The following ZNF341 variants were observed in gnomAD, a reference collection of about 807,000 sequenced individuals.
ZNF341 encodes zinc finger protein 341.
ZNF341 carries 52 observed loss-of-function variants against 87.7 expected under a neutral mutation model. The observed-to-expected ratio is 0.59, with a 90% CI of 0.47 to 0.75. The LOEUF (loss-of-function observed/expected upper bound fraction) is 0.75, where lower values mean the gene tolerates loss of function less well. Ranked by LOEUF, ZNF341 falls within the 30% of genes least tolerant of loss-of-function variation. The pLI, the probability that ZNF341 is intolerant of heterozygous loss-of-function variation, is 0.00. For missense variants in ZNF341, 977 were observed against 1,145.9 expected (o/e 0.85, Z 2.13); for synonymous variants, 459 against 472.7 (o/e 0.97, Z 0.38).
At chr20:33,756,822 G>A (rs186877222) in intron 5 of ZNF341, among the ~76,000 whole-genome samples, 108 of 152,188 alleles carry the variant, frequency 7.1e-4, no homozygotes, top group Non-Finnish European at 1.2e-3. Context: ...CCGCATGAGA[G>A]GGGTACTATG....
intron 4 of ZNF341, among the ~76,000 whole-genome samples, chr20:33,751,370 G>A (rs1236565208): frequency 1.3e-5 from 2 of 152,056 alleles, no homozygotes; most frequent in African/African-American, 4.8e-5. Flanking sequence ...TTACAGCAAA[G>A]GAACACACAG....
chr20:33,733,930 G>A (rs2018630113), intron 1 of ZNF341, among the ~76,000 whole-genome samples: 1 of 152,252 alleles, frequency 6.6e-6, no homozygotes, highest in African/African-American at 2.4e-5. Flanking sequence ...GGAGGTGGTG[G>A]ATCAGGAAGG....
chr20:33,743,493 T>C (rs2180003), intron 2 of ZNF341, among the ~76,000 whole-genome samples: 92,912 of 151,338 alleles, frequency 0.61, 30,319 homozygotes, highest in East Asian at 0.93. Flanking sequence ...GCATGCACCA[T>C]CATGCCCAGC....
intron 9 of ZNF341, 148 bp downstream of exon 9, chr20:33,767,189 G>T: frequency 1.0e-6 from 1 of 989,986 alleles, no homozygotes; most frequent in East Asian, 2.5e-5. Flanking sequence ...ATTCCGAGCA[G>T]GGGATTGATG....
chr20:33,749,459 AT>A (rs545198282), intron 4 of ZNF341, among the ~76,000 whole-genome samples: 3 of 151,178 alleles, frequency 2.0e-5, no homozygotes, highest in South Asian at 4.2e-4. Flanking sequence ...CAGCCAGCTA[AT>A]TTTTTTTTGT....
intron 5 of ZNF341, among the ~76,000 whole-genome samples, chr20:33,753,845 A>G (rs919498744): frequency 6.6e-5 from 10 of 152,200 alleles, no homozygotes; most frequent in Non-Finnish European, 1.5e-4. Context: ...CATCAGTGGC[A>G]TATACCAAAA....
chr20:33,761,881 T>G lies in ZNF341; in HGVS notation c.1048T>G (p.Phe350Val). Residue 350 changes from phenylalanine to valine, a missense_variant, in exon 8 of 15, where the codon TTC becomes GTC. Phe to Val is a conservative substitution (Grantham distance 50, BLOSUM62 -1). This residue lies in a region of ZNF341 where 515 missense variants were observed against 598.2 expected (regional missense o/e 0.86). Coordinates refer to ENST00000375200, the MANE Select transcript of ZNF341 (RefSeq NM_001282933.2). ...HIRSHTGEKP[F>V]QCIACGRAFA... is the part of the protein sequence containing the mutation. ...CCACAGCCACACCGGTGAGAAGCCC[T>G]TCCAGTGCATTGCATGTGGCCGTGC... The G allele has an allele frequency of 6.4e-7, 1 of 1,570,746 alleles. No individual in the cohort carries two copies.
intron 8 of ZNF341, among the ~76,000 whole-genome samples, chr20:33,763,681 G>A (rs924084740): frequency 6.6e-6 from 1 of 152,116 alleles, no homozygotes; most frequent in Non-Finnish European, 1.5e-5. Context: ...GGCAGTCACT[G>A]TAGTTGATCA....
chr20:33,768,032 A>G (rs986840684), intron 9 of ZNF341, among the ~76,000 whole-genome samples: 10 of 152,172 alleles, frequency 6.6e-5, no homozygotes, highest in Non-Finnish European at 1.5e-5. Context: ...TGTGTTCTGG[A>G]AGTGATGCAG....
intron 1 of ZNF341, among the ~76,000 whole-genome samples, chr20:33,739,998 G>C (rs1203309014): frequency 6.6e-6 from 1 of 152,110 alleles, no homozygotes; most frequent in African/African-American, 2.4e-5. Context: ...CCAAGTAGTT[G>C]GGATTACAGG....
intron 1 of ZNF341, among the ~76,000 whole-genome samples, chr20:33,737,188 G>A (rs2018707469): frequency 6.6e-6 from 1 of 152,080 alleles, no homozygotes; most frequent in Non-Finnish European, 1.5e-5. Flanking sequence ...TATCAAGACA[G>A]GGGAATTGCG....
Position 33,783,827 on chromosome 20 carries a change from G to A in ZNF341, c.1815G>A (p.Arg605=). 1.2e-6 allele frequency: 2 copies of A among 1,613,678 alleles called. No individual in the cohort carries two copies. Among genetic ancestry groups the A allele is most frequent in the Non-Finnish European group, 1.7e-6 (2 of 1,179,806 alleles). Residue 605 remains arginine (R), a synonymous_variant, in exon 12 of 15, where the codon CGG becomes CGA. Coordinates refer to ENST00000375200, the MANE Select transcript of ZNF341 (RefSeq NM_001282933.2). Reference sequence around the variant, plus strand: ...AAGTGTGCAAGAAGTTCTTCCGGCGGGAGCATTATCTCAAACTGCATGCTC... The same window carrying A: ...AAGTGTGCAAGAAGTTCTTCCGGCGAGAGCATTATCTCAAACTGCATGCTC... ...KCQVCKKFFR[R]EHYLKLHAHI...
intron 2 of ZNF341, among the ~76,000 whole-genome samples, chr20:33,744,252 C>T (rs2018869111): frequency 1.3e-5 from 2 of 150,218 alleles, no homozygotes; most frequent in Admixed American, 6.6e-5. Flanking sequence ...CACTGCACCC[C>T]AGCCTGGGCA....
Position 33,791,075 on chromosome 20 carries a change from A to G in ZNF341, c.2123A>G (p.Asn708Ser). ...GAGCATCAGCGCGCCCACACGGGCA[A>G]CTACAAGTTCCGCTGTGCTGGCTGC... is the stretch of plus-strand genomic sequence containing the variant. ...LAEHQRAHTGNYKFRCAGCAK... is the reference protein window; with the variant it reads ...LAEHQRAHTGSYKFRCAGCAK... The change falls in exon 15 of 15, where the codon AAC becomes AGC. Residue 708 changes from asparagine (N) to serine (S), a missense_variant. This residue lies in a region of ZNF341 where 221 missense variants were observed against 212.7 expected (regional missense o/e 1.04). Coordinates refer to ENST00000375200, the MANE Select transcript of ZNF341 (RefSeq NM_001282933.2). 1 of 1,613,348 alleles carries G rather than the reference A, an allele frequency of 6.2e-7. No homozygotes were observed. The highest frequency in any genetic ancestry group is 8.5e-7 in the Non-Finnish European group (1 of 1,180,020).
rs2019948353 is a variant in ZNF341, at chr20:33,789,394, C to T, written c.1965-124C>T. The T allele has an allele frequency of 1.0e-5, 10 of 978,482 alleles. No homozygotes were observed. The South Asian group carries it at 1.4e-4, about 13-fold the overall frequency. 60.6% of individuals were successfully genotyped at this position (978,482 alleles called of 1,614,324 possible). A position where few individuals can be genotyped will look rare whatever the true frequency, so the allele number is the denominator to read the frequency against. ...GGGCCCTGCCTGCCTCACTTCCCAC[C>T]CTACCTCCTTGCCCAGCCCTTAGGG... On this transcript the variant is annotated intron_variant, in intron 13 of 14. Transcript: ENST00000375200.
Position 33,766,295 on chromosome 20 carries a change from A to G in ZNF341, c.1223-556A>G, listed in dbSNP as rs567237798. Among the ~76,000 whole-genome samples the G allele has an allele frequency of 1.0e-3, 152 of 152,158 alleles. 1 individual carries two copies. The highest frequency in any genetic ancestry group is 3.4e-3 in the African/African-American group (140 of 41,514). ...CTGCAGCCTCCGCCTCCCAGGTTCC[A>G]GTGATTCTCCTGCCTCAGCCTCCTG... is the stretch of plus-strand genomic sequence containing the variant. On this transcript the variant is annotated intron_variant, in intron 8 of 14. Transcript: ENST00000375200.
rs749905282 is a variant in ZNF341 at position 33,757,226 on chromosome 20, A to G, written c.820A>G (p.Lys274Glu). Residue 274 changes from lysine (K) to glutamate (E), a missense_variant, in exon 6 of 15, where the codon AAA becomes GAA. Physicochemically the swap from Lys to Glu is moderately conservative, Grantham distance 56 (BLOSUM62 1). Around this residue, in one of 3 missense-constraint regions of ZNF341, gnomAD observed 515 missense variants for 598.2 expected, o/e 0.86. Transcript: ENST00000375200. Reference protein sequence around the residue: ...YSPGKQGFKPKGPNPAAPMTS... With the variant: ...YSPGKQGFKPEGPNPAAPMTS... Reference sequence around the variant, plus strand: ...CCCTGGCAAACAGGGATTCAAACCCAAAGGACCAAACCCCGCCGCCCCCAT... The same window carrying G: ...CCCTGGCAAACAGGGATTCAAACCCGAAGGACCAAACCCCGCCGCCCCCAT... 1.9e-6 allele frequency: 3 copies of G among 1,602,032 alleles called. No homozygotes were observed. Among genetic ancestry groups the G allele is most frequent in the Non-Finnish European group, 2.6e-6 (3 of 1,175,088 alleles).
intron 8 of ZNF341, among the ~76,000 whole-genome samples, chr20:33,766,402 G>A (rs929492989): frequency 1.3e-5 from 2 of 151,202 alleles, no homozygotes; most frequent in Non-Finnish European, 2.9e-5. Flanking sequence ...ACCATGTTGG[G>A]AAGGCTGATC....
intron 3 of ZNF341, among the ~76,000 whole-genome samples, chr20:33,747,885 G>A (rs1203906007): frequency 6.6e-6 from 1 of 151,064 alleles, no homozygotes; most frequent in Non-Finnish European, 1.5e-5. Context: ...TATTGGAGAT[G>A]GGGTTTCACT....
Sources: gnomAD v4.1 joint callset for allele counts (sites outside exome capture counted in the v4.1 genomes callset) on GRCh38, gnomAD v4.1.1 for gene constraint, gnomAD v4.1.1 regional missense constraint, MANE v1.5 for transcripts, NCBI Gene and HGNC (gene_info 2026-07-23, HGNC 2026-07-21) for gene names.